Variants in MYOF observed in about 807,000 individuals in gnomAD.
The protein encoded by MYOF is fer-1-like 3, myoferlin.
Under a neutral mutation model 284.2 loss-of-function variants are expected in MYOF, and 244 were observed. That is an observed-to-expected ratio of 0.86 (90% CI 0.77 to 0.95). The LOEUF (loss-of-function observed/expected upper bound fraction) is 0.95, where lower values mean the gene tolerates loss of function less well. Among genes scored for constraint, MYOF ranks in the 40% least tolerant of loss-of-function variants. The pLI is 0.00. For synonymous variants in MYOF, 904 were observed against 919.7 expected, an observed-to-expected ratio of 0.98 and a Z score of 0.31; for missense variants, 2,496 against 2,560.6, an observed-to-expected ratio of 0.97 and a Z score of 0.54.
chr10:93,407,202 G>A (rs1323034875), intron 7 of MYOF, among the ~76,000 whole-genome samples: 1 of 151,958 alleles, frequency 6.6e-6, no homozygotes, highest in Non-Finnish European at 1.5e-5. Flanking sequence ...AAGGTAGGTG[G>A]AACACCTGAG....
At chr10:93,343,101 CAT>C (rs1385125477) in intron 38 of MYOF, among the ~76,000 whole-genome samples, 3 of 152,100 alleles carry the variant, frequency 2.0e-5, no homozygotes, top group Non-Finnish European at 2.9e-5. Flanking sequence ...AAAGTGCAAT[CAT>C]GTGCATTTTT....
In MYOF at chr10:93,396,143, T is replaced by A; in HGVS notation, c.1416A>T (p.Glu472Asp). 1 of 1,605,376 alleles carries A rather than the reference T, an allele frequency of 6.2e-7. No individual in the cohort carries two copies. Among genetic ancestry groups the A allele is most frequent in the South Asian group, 1.1e-5 (1 of 90,000 alleles). Residue 472 changes from glutamate (E) to aspartate (D), a missense_variant and splice_region_variant, in exon 16 of 54, where the codon GAA becomes GAT. By Grantham distance (45) the Glu-to-Asp change is conservative. Around this residue, in one of 3 missense-constraint regions of MYOF, gnomAD observed 2,436 missense variants for 2,480.7 expected, o/e 0.98. Transcript: ENST00000359263. Reference sequence around the variant, plus strand: ...TTCTAGATCTGTTGAGTGACTTACCTTCCACTTCCCCACCAGAGGCAGCAA... The same window carrying A: ...TTCTAGATCTGTTGAGTGACTTACCATCCACTTCCCCACCAGAGGCAGCAA... The part of the protein sequence containing the change: ...SKIAASGGEV[E>D]DFSSSGTGAA...
At chr10:93,419,007 A>G (rs1848248802) in intron 5 of MYOF, among the ~76,000 whole-genome samples, 1 of 152,112 alleles carries the variant, frequency 6.6e-6, no homozygotes, top group African/African-American at 2.4e-5. Flanking sequence ...GTCATGGAGT[A>G]CCTTTCATGG....
rs916555324 is a variant in MYOF, at chr10:93,370,314, A to ATTTTTTTTTTTTTTTTTTTTTTTTT, written c.2458-539_2458-538insAAAAAAAAAAAAAAAAAAAAAAAAA. Among the ~76,000 whole-genome samples the ATTTTTTTTTTTTTTTTTTTTTTTTT allele has an allele frequency of 4.9e-5, 6 of 122,466 alleles. 2 individuals carry two copies. The highest frequency in any genetic ancestry group is 2.1e-4 in the African/African-American group (6 of 28,262). 80.3% of individuals were successfully genotyped at this position (122,466 alleles called of 152,430 possible). A position where few individuals can be genotyped will look rare whatever the true frequency, so the allele number is the denominator to read the frequency against. On this transcript the variant is annotated intron_variant, in intron 24 of 53. Coordinates refer to ENST00000359263, the MANE Select transcript of MYOF (RefSeq NM_013451.4). ...GTTGATCAAGCAGTAATGATTACTAATTTTTTTTTTTTTTTTTTTTTGAGA... is the reference window on the plus strand; with the variant it reads ...GTTGATCAAGCAGTAATGATTACTAATTTTTTTTTTTTTTTTTTTTTTTTTTTTTTTTTTTTTTTTTTTTTTGAGA...
intron 38 of MYOF, among the ~76,000 whole-genome samples, chr10:93,341,037 C>T (rs1189264466): frequency 6.6e-6 from 1 of 152,138 alleles, no homozygotes; most frequent in Non-Finnish European, 1.5e-5. Context: ...GATTTTTGTT[C>T]AGCACAATGC....
At chr10:93,458,623 G>A (rs140531010) in intron 1 of MYOF, among the ~76,000 whole-genome samples, 5 of 151,804 alleles carry the variant, frequency 3.3e-5, no homozygotes, top group African/African-American at 9.7e-5. Context: ...CCAGCTACTC[G>A]GGAGGCTGAG....
chr10:93,310,658 A>G lies in MYOF; in HGVS notation c.5890-15T>C, dbSNP rs1404333212. On this transcript the variant is annotated splice_polypyrimidine_tract_variant and intron_variant, in intron 51 of 53. Transcript: ENST00000359263. ...TCCACTTTCCCCTTCAGTAAAGCAG[A>G]GCAGGTTAAACATATGACATCATGT... The G allele has an allele frequency of 5.6e-6, 9 of 1,611,986 alleles. No individual in the cohort carries two copies. The highest frequency in any genetic ancestry group is 7.6e-6 in the Non-Finnish European group (9 of 1,178,124).
Position 93,441,461 on chromosome 10 carries a change from T to C in MYOF, c.237-9945A>G, listed in dbSNP as rs191395527. 1.6e-3 allele frequency among the ~76,000 whole-genome samples: 237 copies of C among 152,112 alleles called. 1 individual carries two copies. Among genetic ancestry groups the C allele is most frequent in the Non-Finnish European group, 2.9e-3 (199 of 67,972 alleles). On this transcript the variant is annotated intron_variant, in intron 3 of 53. Transcript: ENST00000359263. ...GTGCAGTGGTGCAATCTCAGCTCAT[T>C]GCAAGCTCCACCTCTTGAATTCAAG...
chr10:93,315,369 C>T (rs529820593), intron 50 of MYOF, among the ~76,000 whole-genome samples: 22 of 152,126 alleles, frequency 1.4e-4, no homozygotes, highest in Admixed American at 3.3e-4. Context: ...AATAAGTGTG[C>T]GTGATAAAAC....
chr10:93,476,079 A>G (rs1447923315), intron 1 of MYOF, among the ~76,000 whole-genome samples: 1 of 151,954 alleles, frequency 6.6e-6, no homozygotes, highest in African/African-American at 2.4e-5. Flanking sequence ...GTTTTATGGG[A>G]ATACCCGAGT....
chr10:93,329,553 G>T, intron 44 of MYOF, 111 bp downstream of exon 44: 1 of 1,126,894 alleles, frequency 8.9e-7, no homozygotes, highest in Non-Finnish European at 1.3e-6. Flanking sequence ...ATACCTGAGT[G>T]ATAGGAGCAG....
At chr10:93,445,322 G>A (rs1169214837) in intron 3 of MYOF, among the ~76,000 whole-genome samples, 1 of 152,208 alleles carries the variant, frequency 6.6e-6, no homozygotes, top group Non-Finnish European at 1.5e-5. Context: ...TATGAGGTGT[G>A]TGTGAGGATC....
intron 26 of MYOF, among the ~76,000 whole-genome samples, 189 bp downstream of exon 26, chr10:93,366,203 G>T (rs779266466): frequency 6.6e-5 from 10 of 151,014 alleles, no homozygotes; most frequent in Non-Finnish European, 1.2e-4. Flanking sequence ...TAGTTACCAG[G>T]TGCTTTTTAT....
chr10:93,423,782 G>A lies in MYOF; in HGVS notation c.433+2289C>T, dbSNP rs182539883. Among the ~76,000 whole-genome samples the A allele has an allele frequency of 9.2e-4, 139 of 151,172 alleles. 1 individual carries two copies. The East Asian group carries it at 0.024, about 26-fold the overall frequency. On this transcript the variant is annotated intron_variant, in intron 5 of 53. Transcript: ENST00000359263. ...CTGGAGGCGGAGCTTGCAGTGAGCC[G>A]AGATCGTGCCACTGCACTCCAGCCT...
intron 3 of MYOF, among the ~76,000 whole-genome samples, chr10:93,446,060 G>C (rs866271940): frequency 6.6e-6 from 1 of 152,192 alleles, no homozygotes; most frequent in Non-Finnish European, 1.5e-5. Flanking sequence ...ACCAAGGTGT[G>C]TGTATTGGTT....
At chr10:93,360,795 G>A (rs1377698502) in intron 28 of MYOF, among the ~76,000 whole-genome samples, 1 of 152,204 alleles carries the variant, frequency 6.6e-6, no homozygotes, top group Non-Finnish European at 1.5e-5. Flanking sequence ...GGCCCTGAAT[G>A]TGATGTTCCC....
At chr10:93,458,547 T>C (rs1034986615) in intron 1 of MYOF, among the ~76,000 whole-genome samples, 2 of 151,948 alleles carry the variant, frequency 1.3e-5, no homozygotes, top group African/African-American at 2.4e-5. Context: ...CTGGCCAACA[T>C]GGTGAAACCC....
intron 4 of MYOF, among the ~76,000 whole-genome samples, chr10:93,428,165 T>TAA (rs1848678202): frequency 6.6e-6 from 1 of 150,634 alleles, no homozygotes; most frequent in Non-Finnish European, 1.5e-5. Context: ...AGGACATAGT[T>TAA]ACACTGAGAA....
intron 1 of MYOF, among the ~76,000 whole-genome samples, chr10:93,460,772 A>AG (rs1379207197): frequency 1.4e-5 from 1 of 70,554 alleles, no homozygotes. Flanking sequence ...ATCTCCAAAA[A>AG]AAAAAAAAAA....
Sources: allele counts gnomAD v4.1 joint callset (sites outside exome capture counted in the v4.1 genomes callset), GRCh38; gene constraint gnomAD v4.1.1; regional missense constraint gnomAD v4.1.1; transcripts MANE v1.5; gene names NCBI Gene and HGNC (gene_info 2026-07-23, HGNC 2026-07-21).